MACROD2: variants seen among roughly 807,000 people sequenced by gnomAD.
MACROD2 encodes the protein mono-ADP ribosylhydrolase 2.
MACROD2 carries 36 observed loss-of-function variants against 70.4 expected under a neutral mutation model. That is an observed-to-expected ratio of 0.51 (90% confidence interval 0.39 to 0.68). MACROD2 has a LOEUF of 0.68. MACROD2 is among the 30% of genes least tolerant of loss of function. MACROD2 has a pLI of 0.00. For synonymous variants in MACROD2, 172 were observed against 178.8 expected, an observed-to-expected ratio of 0.96 and a Z score of 0.30; for missense variants, 496 against 538.4, an observed-to-expected ratio of 0.92 and a Z score of 0.78.
intron 4 of MACROD2, among the ~76,000 whole-genome samples, chr20:14,538,376 G>T (rs1363387731): frequency 2.6e-5 from 4 of 152,286 alleles, no homozygotes; most frequent in African/African-American, 7.2e-5. Context: ...GCAACTTATT[G>T]TCACAAGCCT....
At chr20:15,214,200 T>G (rs1042869968) in intron 5 of MACROD2, among the ~76,000 whole-genome samples, 4 of 152,162 alleles carry the variant, frequency 2.6e-5, no homozygotes, top group African/African-American at 9.7e-5. Flanking sequence ...TATTTTTCTC[T>G]GGCTGTGTCC....
chr20:15,882,181 A>G (rs1020795803), intron 9 of MACROD2, among the ~76,000 whole-genome samples: 2 of 152,150 alleles, frequency 1.3e-5, no homozygotes, highest in South Asian at 2.1e-4. Context: ...GAAAAATCAT[A>G]CAAAATTATT....
At chr20:14,767,145 A>G (rs985118862) in intron 5 of MACROD2, among the ~76,000 whole-genome samples, 1 of 152,124 alleles carries the variant, frequency 6.6e-6, no homozygotes, top group Admixed American at 6.5e-5. Context: ...CCTAGGCAAC[A>G]TAACAAGATC....
At chr20:14,298,422 G>T (rs1336375509) in intron 3 of MACROD2, among the ~76,000 whole-genome samples, 1 of 151,658 alleles carries the variant, frequency 6.6e-6, no homozygotes, top group Non-Finnish European at 1.5e-5. Flanking sequence ...ACAAAAATTA[G>T]CTGGATGTGG....
chr20:14,266,380 A>G (rs1220231302), intron 3 of MACROD2, among the ~76,000 whole-genome samples: 1 of 152,180 alleles, frequency 6.6e-6, no homozygotes, highest in Non-Finnish European at 1.5e-5. Flanking sequence ...TTTGAGAGGA[A>G]TCAGGGCAGA....
chr20:14,021,849 C>T (rs571263199), intron 2 of MACROD2, among the ~76,000 whole-genome samples: 1 of 152,204 alleles, frequency 6.6e-6, no homozygotes, highest in East Asian at 1.9e-4. Context: ...GGGGGACATT[C>T]TGCTTCACGT....
chr20:14,981,130 GAAA>G (rs1228846689), intron 5 of MACROD2, among the ~76,000 whole-genome samples: 1 of 151,344 alleles, frequency 6.6e-6, no homozygotes, highest in African/African-American at 2.4e-5. Flanking sequence ...TAGCTTTTAG[GAAA>G]AAAACAAGGA....
At chr20:14,293,758 C>A (rs148984419) in intron 3 of MACROD2, among the ~76,000 whole-genome samples, 47 of 151,964 alleles carry the variant, frequency 3.1e-4, no homozygotes, top group Middle Eastern at 6.8e-3. Context: ...GGAAAATGAT[C>A]ACCAAGAAGG....
intron 2 of MACROD2, among the ~76,000 whole-genome samples, chr20:14,071,252 GTTTTTTTTTTTTTTT>G (rs59052053): frequency 3.1e-5 from 2 of 63,936 alleles, no homozygotes; most frequent in Non-Finnish European, 5.7e-5. Context: ...TTCATCTTGT[GTTTTTTTTTTTTTTT>G]TTTTTTTTTT....
chr20:15,274,051 A>G (rs1388108042), intron 6 of MACROD2, among the ~76,000 whole-genome samples: 1 of 152,218 alleles, frequency 6.6e-6, no homozygotes, highest in East Asian at 1.9e-4. Flanking sequence ...GTGAGCTAAG[A>G]TAGTTCTAAG....
chr20:15,036,691 C>CA (rs1198977726), intron 5 of MACROD2, among the ~76,000 whole-genome samples: 1 of 152,008 alleles, frequency 6.6e-6, no homozygotes, highest in Non-Finnish European at 1.5e-5. Context: ...TTTAACTGCA[C>CA]AAAAACTCAC....
chr20:15,189,082 C>T (rs2076552561), intron 5 of MACROD2, among the ~76,000 whole-genome samples: 1 of 152,040 alleles, frequency 6.6e-6, no homozygotes, highest in Non-Finnish European at 1.5e-5. Flanking sequence ...ATGTGGGTAA[C>T]AGTGATATAT....
At chr20:15,210,182 G>T (rs1394012714) in intron 5 of MACROD2, among the ~76,000 whole-genome samples, 2 of 152,204 alleles carry the variant, frequency 1.3e-5, no homozygotes, top group East Asian at 3.8e-4. Context: ...AAATGGAAGT[G>T]GCTCTCAGTC....
At chr20:14,564,382 A>G (rs1423994978) in intron 4 of MACROD2, among the ~76,000 whole-genome samples, 1 of 152,050 alleles carries the variant, frequency 6.6e-6, no homozygotes, top group East Asian at 1.9e-4. Flanking sequence ...CTGCACAGCT[A>G]AAGAAATAAT....
intron 5 of MACROD2, among the ~76,000 whole-genome samples, chr20:15,191,839 T>A (rs2145915449): frequency 6.6e-6 from 1 of 152,014 alleles, no homozygotes; most frequent in South Asian, 2.1e-4. Context: ...GAAGGTGAAA[T>A]TTTGCCTGAT....
At chr20:15,249,151 C>T (rs1024134857) in intron 6 of MACROD2, among the ~76,000 whole-genome samples, 23 of 152,148 alleles carry the variant, frequency 1.5e-4, no homozygotes, top group African/African-American at 5.6e-4. Flanking sequence ...CTGTCGCCTC[C>T]TTGTTCGAGA....
intron 6 of MACROD2, among the ~76,000 whole-genome samples, chr20:15,277,364 T>C (rs1232949710): frequency 6.6e-6 from 1 of 152,158 alleles, no homozygotes; most frequent in African/African-American, 2.4e-5. Context: ...ATAAATAAGA[T>C]CTCTCTGATT....
chr20:14,669,010 G>A (rs1168741597), intron 4 of MACROD2, among the ~76,000 whole-genome samples: 3 of 152,056 alleles, frequency 2.0e-5, no homozygotes, highest in Admixed American at 2.0e-4. Flanking sequence ...ATCAGAAAAA[G>A]ATGTCAAAAG....
chr20:15,369,494 T>A (rs1280209650), intron 6 of MACROD2, among the ~76,000 whole-genome samples: 1 of 152,174 alleles, frequency 6.6e-6, no homozygotes, highest in Non-Finnish European at 1.5e-5. Flanking sequence ...AATGTTATGT[T>A]TTATCTCAAC....
Sources: gnomAD v4.1 joint callset for allele counts (sites outside exome capture counted in the v4.1 genomes callset) on GRCh38, gnomAD v4.1.1 for gene constraint, MANE v1.5 for transcripts, NCBI Gene and HGNC (gene_info 2026-07-23, HGNC 2026-07-21) for gene names.